AGMO: variants seen among roughly 807,000 people sequenced by gnomAD.
AGMO encodes alkylglycerol monooxygenase, also known as glyceryl-ether monooxygenase.
Under a neutral mutation model 60.2 loss-of-function variants are expected in AGMO, and 75 were observed. The observed-to-expected ratio is 1.25, with a 90% CI of 1.03 to 1.51. The LOEUF is 1.51. Ranked by LOEUF, AGMO falls within the 40% of genes most tolerant of loss-of-function variation. The pLI, the probability that AGMO is intolerant of heterozygous loss-of-function variation, is 0.00. For missense variants in AGMO, 763 were observed against 525.5 expected (o/e 1.45, Z -4.42); for synonymous variants, 261 against 177.1 (o/e 1.47, Z -3.76).
the AGMO span, among the ~76,000 whole-genome samples, chr7:15,129,028 T>C: frequency 6.6e-6 from 1 of 152,100 alleles, no homozygotes; most frequent in Middle Eastern, 3.2e-3. Flanking sequence ...GGTGGTGGGC[T>C]TACTAGAAGT....
intron 3 of AGMO, among the ~76,000 whole-genome samples, chr7:15,529,633 A>T (rs1254118763): frequency 5.9e-4 from 11 of 18,754 alleles, no homozygotes; most frequent in African/African-American, 2.5e-3. Context: ...ATATATATAG[A>T]ATATATATAT....
At chr7:15,178,826 T>C in the AGMO span, among the ~76,000 whole-genome samples, 1 of 152,126 alleles carries the variant, frequency 6.6e-6, no homozygotes, top group Non-Finnish European at 1.5e-5. Context: ...TAAGTTTATT[T>C]GGCTTATGGT....
intron 12 of AGMO, among the ~76,000 whole-genome samples, chr7:15,359,925 GA>G (rs954720391): frequency 6.6e-6 from 1 of 152,082 alleles, no homozygotes; most frequent in Non-Finnish European, 1.5e-5. Flanking sequence ...AACTAACTGG[GA>G]AAAGGAGAAC....
the AGMO span, among the ~76,000 whole-genome samples, chr7:15,158,596 T>C: frequency 6.6e-6 from 1 of 152,318 alleles, no homozygotes; most frequent in South Asian, 2.1e-4. Context: ...AATAGTTTCA[T>C]GCCAATGAAT....
At chr7:15,336,785 A>T (rs1280806172) in intron 12 of AGMO, among the ~76,000 whole-genome samples, 1 of 141,734 alleles carries the variant, frequency 7.1e-6, no homozygotes, top group Non-Finnish European at 1.6e-5. Context: ...TACATGATTT[A>T]AAAAAGCATT....
chr7:15,323,765 C>G (rs565656610), intron 12 of AGMO, among the ~76,000 whole-genome samples: 1 of 152,132 alleles, frequency 6.6e-6, no homozygotes, highest in Non-Finnish European at 1.5e-5. Flanking sequence ...ACAAGGAAAG[C>G]CTCGTGGTAT....
chr7:15,506,510 A>G (rs996463472), intron 3 of AGMO, among the ~76,000 whole-genome samples: 18 of 152,012 alleles, frequency 1.2e-4, no homozygotes, highest in African/African-American at 4.3e-4. Context: ...CTGATAGATA[A>G]CTATTCCTCA....
At chr7:15,252,510 G>A (rs2128506871) in intron 12 of AGMO, among the ~76,000 whole-genome samples, 1 of 152,302 alleles carries the variant, frequency 6.6e-6, no homozygotes, top group South Asian at 2.1e-4. Flanking sequence ...TATGTGGAAA[G>A]CAGCTGAGGG....
In AGMO at chr7:15,274,868, AT is replaced by A. The variant is rs201721500; in HGVS notation, c.1264-73510del. Among the ~76,000 whole-genome samples the A allele has an allele frequency of 6.5e-3, 976 of 149,024 alleles. 3 individuals carry two copies. Among genetic ancestry groups the A allele is most frequent in the African/African-American group, 0.018 (744 of 40,642 alleles). On this transcript the variant is annotated intron_variant, in intron 12 of 12. Transcript: ENST00000342526. The stretch of plus-strand genomic sequence containing the variant: ...GAGATGTTTATAATAGTCTCTAATC[AT>A]TTTTTTTTCTGTGGTATCAGTTGTA...
chr7:15,522,911 C>T (rs192728918), intron 3 of AGMO, among the ~76,000 whole-genome samples: 1 of 152,256 alleles, frequency 6.6e-6, no homozygotes. Flanking sequence ...GAACAGACAA[C>T]CTACAGAATG....
At chr7:15,171,278 A>G in the AGMO span, among the ~76,000 whole-genome samples, 56,015 of 151,768 alleles carry the variant, frequency 0.37, 11,705 homozygotes, top group East Asian at 0.71. Flanking sequence ...ACCACGCCCT[A>G]CCTTGGGTTA....
intron 3 of AGMO, among the ~76,000 whole-genome samples, chr7:15,480,428 G>C (rs1782719594): frequency 1.3e-5 from 2 of 152,220 alleles, no homozygotes; most frequent in African/African-American, 2.4e-5. Context: ...ATGGGGTAAA[G>C]AAAAGCACTA....
At chr7:15,197,749 C>T (rs1288168154), downstream of AGMO, among the ~76,000 whole-genome samples, 1 of 152,164 alleles carries the variant, frequency 6.6e-6, no homozygotes, top group African/African-American at 2.4e-5. Context: ...AATACTTATC[C>T]TGAGAACTTT....
At chr7:15,348,107 TA>T (rs1376742595) in intron 12 of AGMO, among the ~76,000 whole-genome samples, 1 of 152,056 alleles carries the variant, frequency 6.6e-6, no homozygotes, top group Non-Finnish European at 1.5e-5. Context: ...TTAATGGTAA[TA>T]TTGTATCAGA....
chr7:15,293,843 C>T (rs562565410), intron 12 of AGMO, among the ~76,000 whole-genome samples: 1 of 152,140 alleles, frequency 6.6e-6, no homozygotes, highest in South Asian at 2.1e-4. Flanking sequence ...CTTCTGTGTT[C>T]CTAACACTTG....
chr7:15,222,937 T>C (rs1781966154), intron 12 of AGMO, among the ~76,000 whole-genome samples: 1 of 125,808 alleles, frequency 7.9e-6, no homozygotes, highest in Non-Finnish European at 1.5e-5. Context: ...ATGCAGTTAA[T>C]ATACAATTTT....
At position 15,365,602 on chromosome 7, in the gene AGMO, A is replaced by C; in HGVS notation, c.1175T>G (p.Met392Arg). ...GAACATCAAGCAACGGAGAGTTTCCATAATAGCTGCCTTGGGTCTGAAATA... is the reference window on the plus strand; with the variant it reads ...GAACATCAAGCAACGGAGAGTTTCCCTAATAGCTGCCTTGGGTCTGAAATA... ...LLDQRPKAAI[M>R]ETLRCLMFLM... Residue 392 changes from methionine to arginine, a missense_variant, in exon 12 of 13, where the codon ATG (methionine) becomes AGG (arginine). Physicochemically the swap from Met to Arg is moderately conservative, Grantham distance 91. Transcript: ENST00000342526. The C allele has an allele frequency of 3.1e-6, 5 of 1,612,538 alleles. No individual in the cohort carries two copies. The highest frequency in any genetic ancestry group is 4.2e-6 in the Non-Finnish European group (5 of 1,178,848).
intron 12 of AGMO, among the ~76,000 whole-genome samples, chr7:15,283,615 A>C (rs1412423586): frequency 6.6e-6 from 1 of 151,962 alleles, no homozygotes; most frequent in East Asian, 1.9e-4. Context: ...AAATGAGATG[A>C]ATAGTAATGC....
At chr7:15,355,290 C>A (rs1316252849) in intron 12 of AGMO, among the ~76,000 whole-genome samples, 1 of 151,954 alleles carries the variant, frequency 6.6e-6, no homozygotes, top group African/African-American at 2.4e-5. Flanking sequence ...ATCACAAGGT[C>A]AGGAGATCGA....
Sources: allele counts gnomAD v4.1 joint callset (sites outside exome capture counted in the v4.1 genomes callset), GRCh38; gene constraint gnomAD v4.1.1; transcripts MANE v1.5; gene names NCBI Gene and HGNC (gene_info 2026-07-23, HGNC 2026-07-21).